SCARA3: variants seen among roughly 807,000 people sequenced by gnomAD.
The protein encoded by SCARA3 is scavenger receptor class A member 3, also known as cellular stress response gene protein.
Under a neutral mutation model 47.0 loss-of-function variants are expected in SCARA3, and 39 were observed. The observed-to-expected ratio is 0.83, with a 90% CI of 0.64 to 1.08. The LOEUF (loss-of-function observed/expected upper bound fraction) is 1.08, where lower values mean the gene tolerates loss of function less well. Among genes scored for constraint, SCARA3 ranks in the 50% least tolerant of loss-of-function variants. SCARA3 has a pLI of 0.00. For missense variants in SCARA3, 724 were observed against 792.3 expected (o/e 0.91, Z 1.04); for synonymous variants, 356 against 334.1 (o/e 1.07, Z -0.71).
Position 27,671,577 on chromosome 8 carries a change from CAT to C in SCARA3, c.*227_*228del. The C allele has an allele frequency of 1.6e-6, 2 of 1,260,728 alleles. No individual in the cohort carries two copies. The highest frequency in any genetic ancestry group is 2.0e-6 in the Non-Finnish European group (2 of 1,005,358). 78.1% of individuals were successfully genotyped at this position (1,260,728 alleles called of 1,614,324 possible). ...ACATGCACACACATGCATGCACACA[CAT>C]GCACACATACACGCACATGCACACA... is the stretch of plus-strand genomic sequence containing the variant. On this transcript the variant is annotated 3_prime_UTR_variant, in exon 6 of 6. Coordinates refer to ENST00000301904, the MANE Select transcript of SCARA3 (RefSeq NM_016240.3).
chr8:27,654,969 A>G (rs982543455), intron 3 of SCARA3, among the ~76,000 whole-genome samples: 4 of 152,196 alleles, frequency 2.6e-5, no homozygotes, highest in African/African-American at 9.7e-5. Context: ...TCTTAATTGT[A>G]GGGAGGCTCA....
chr8:27,671,812 T>C lies in SCARA3; in HGVS notation c.*461T>C. ...ACACATATCCATGCACACAAACACA[T>C]ATATACACATGCACATACACAGATT... On this transcript the variant is annotated 3_prime_UTR_variant, in exon 6 of 6. Coordinates refer to ENST00000301904, the MANE Select transcript of SCARA3 (RefSeq NM_016240.3). 1.0e-6 allele frequency: 1 copy of C among 986,668 alleles called. No homozygotes were observed. Among genetic ancestry groups the C allele is most frequent in the Non-Finnish European group, 1.2e-6 (1 of 830,880 alleles). The allele number at this position is 986,668 out of a possible 1,614,324, so 61.1% of individuals were successfully genotyped here.
the SCARA3 span, among the ~76,000 whole-genome samples, chr8:27,731,389 C>T: frequency 6.6e-6 from 1 of 151,958 alleles, no homozygotes; most frequent in Non-Finnish European, 1.5e-5. Flanking sequence ...TGAGCCACTG[C>T]ACTCTTCTGC....
At position 27,671,201 on chromosome 8, in the gene SCARA3, C is replaced by G; in HGVS notation, c.1671C>G (p.Pro557=). ...GPEGPPGSPG[P]SGPQGKPGIA... is the part of the protein sequence containing the mutation. Reference sequence around the variant, plus strand: ...AAGGGCCCCCGGGGTCTCCAGGGCCCTCAGGGCCTCAGGGAAAACCGGGAA... The same window carrying G: ...AAGGGCCCCCGGGGTCTCCAGGGCCGTCAGGGCCTCAGGGAAAACCGGGAA... The change falls in exon 6 of 6, where the codon CCC becomes CCG. Residue 557 remains proline, a synonymous_variant. Coordinates refer to ENST00000301904, the MANE Select transcript of SCARA3 (RefSeq NM_016240.3). 2.0e-6 allele frequency: 3 copies of G among 1,507,516 alleles called. No homozygotes were observed. The highest frequency in any genetic ancestry group is 2.6e-6 in the Non-Finnish European group (3 of 1,133,716). The allele number at this position is 1,507,516 out of a possible 1,614,324, so 93.4% of individuals were successfully genotyped here.
chr8:27,687,461 G>A, the SCARA3 span, among the ~76,000 whole-genome samples: 1 of 151,922 alleles, frequency 6.6e-6, no homozygotes, highest in African/African-American at 2.4e-5. Context: ...GAATAAGAAA[G>A]AGAGCTAGGA....
At chr8:27,667,433 C>T (rs1276530172) in intron 5 of SCARA3, among the ~76,000 whole-genome samples, 1 of 152,130 alleles carries the variant, frequency 6.6e-6, no homozygotes, top group Non-Finnish European at 1.5e-5. Flanking sequence ...CTCCTTCCTC[C>T]AGGCAGTGCC....
rs1394783030 is a variant in SCARA3 at position 27,659,558 on chromosome 8, T to A, written c.1369+19T>A. The A allele has an allele frequency of 1.3e-6, 2 of 1,571,656 alleles. No individual in the cohort carries two copies. The highest frequency in any genetic ancestry group is 1.8e-5 in the Admixed American group (1 of 56,652). On this transcript the variant is annotated intron_variant, in intron 5 of 5. Transcript: ENST00000301904. Reference sequence around the variant, plus strand: ...CTACGAGGTAAGAGCTGGGTCCAGGTAGGGCTGCTACAAAGCTTCCACTGA... The same window carrying A: ...CTACGAGGTAAGAGCTGGGTCCAGGAAGGGCTGCTACAAAGCTTCCACTGA...
At chr8:27,674,103 C>G (rs953558765), downstream of SCARA3, among the ~76,000 whole-genome samples, 2 of 152,158 alleles carry the variant, frequency 1.3e-5, no homozygotes, top group African/African-American at 4.8e-5. Flanking sequence ...AATCCTGTTC[C>G]CTGTCGTAAG....
At position 27,656,368 on chromosome 8, in the gene SCARA3, T is replaced by C. The variant is rs576308447; in HGVS notation, c.227-414T>C. ...GGCATCCACTGGGGGTCTTGGAATG[T>C]ATCCCCTGCAGGTAAGAGGGGAACA... On this transcript the variant is annotated intron_variant, in intron 3 of 5. Coordinates refer to ENST00000301904, the MANE Select transcript of SCARA3 (RefSeq NM_016240.3). Among the ~76,000 whole-genome samples the C allele has an allele frequency of 2.6e-5, 4 of 152,302 alleles. No homozygotes were observed. In the East Asian group the frequency reaches 5.8e-4, roughly 22 times the overall value.
the SCARA3 span, among the ~76,000 whole-genome samples, chr8:27,715,386 G>A: frequency 6.6e-6 from 1 of 151,934 alleles, no homozygotes; most frequent in East Asian, 1.9e-4. The surrounding 1 kb of genome is among the most constrained non-coding windows in gnomAD (Gnocchi z 4.2). Context: ...ATCCTATGAG[G>A]CTCCCACTAC....
At chr8:27,708,217 G>A in the SCARA3 span, among the ~76,000 whole-genome samples, 10 of 152,234 alleles carry the variant, frequency 6.6e-5, no homozygotes, top group Admixed American at 5.9e-4. Flanking sequence ...AACATAGGTT[G>A]ATAACATAAA....
the SCARA3 span, among the ~76,000 whole-genome samples, chr8:27,724,694 C>T: frequency 6.6e-6 from 1 of 151,962 alleles, no homozygotes; most frequent in African/African-American, 2.4e-5. Flanking sequence ...TAAGTGTGCC[C>T]AAAGAGTGCT....
the SCARA3 span, among the ~76,000 whole-genome samples, chr8:27,692,512 T>C: frequency 3.3e-5 from 5 of 152,190 alleles, no homozygotes; most frequent in Admixed American, 1.3e-4. Flanking sequence ...AATCAATGTA[T>C]TTTACCCCAA....
the SCARA3 span, among the ~76,000 whole-genome samples, chr8:27,705,950 G>A: frequency 1.9e-3 from 288 of 152,036 alleles, 4 homozygotes; most frequent in East Asian, 0.047. Context: ...GAGAGAGCAC[G>A]GCTTCATGAA....
the SCARA3 span, among the ~76,000 whole-genome samples, chr8:27,690,727 G>A: frequency 0.012 from 1,872 of 152,076 alleles, 37 homozygotes; most frequent in African/African-American, 0.043. Flanking sequence ...ACAGGGTCTC[G>A]TTCTGTCACC....
intron 1 of SCARA3, among the ~76,000 whole-genome samples, chr8:27,639,815 G>C (rs36101621): frequency 6.6e-6 from 1 of 152,196 alleles, no homozygotes; most frequent in Non-Finnish European, 1.5e-5. Flanking sequence ...TGGAAATTGA[G>C]AGGAGAAAGT....
the SCARA3 span, among the ~76,000 whole-genome samples, chr8:27,713,731 G>A: frequency 6.6e-6 from 1 of 152,102 alleles, no homozygotes; most frequent in Non-Finnish European, 1.5e-5. Flanking sequence ...CTTGTACTTT[G>A]CCTGCCCCAG....
At chr8:27,655,440 C>T (rs937656295) in intron 3 of SCARA3, among the ~76,000 whole-genome samples, 5 of 152,288 alleles carry the variant, frequency 3.3e-5, no homozygotes, top group African/African-American at 7.2e-5. Context: ...AAAAGCCAGG[C>T]GTCCTGCTGC....
chr8:27,649,860 C>T (rs900243340), intron 2 of SCARA3, 60 bp downstream of exon 2: 1 of 1,402,580 alleles, frequency 7.1e-7, no homozygotes, highest in Non-Finnish European at 9.9e-7. Flanking sequence ...CTGTCTCCAT[C>T]CCCAGGCCAG....
Sources: gnomAD v4.1 joint callset for allele counts (sites outside exome capture counted in the v4.1 genomes callset) on GRCh38, gnomAD v4.1.1 for gene constraint, Gnocchi (gnomAD v3.1) non-coding constraint, MANE v1.5 for transcripts, NCBI Gene and HGNC (gene_info 2026-07-23, HGNC 2026-07-21) for gene names.